Variants in NLK observed in about 807,000 individuals in gnomAD.
NLK encodes the protein nemo like kinase.
Under a neutral mutation model 59.0 loss-of-function variants are expected in NLK, and 11 were observed. The observed-to-expected ratio is 0.19, with a 90% CI of 0.12 to 0.31. NLK has a LOEUF of 0.31. NLK is among the 10% of genes least tolerant of loss of function. The probability of loss-of-function intolerance (pLI) is 1.00; values close to 1 mark genes in which losing one functional copy is unlikely to be tolerated. For missense variants in NLK, 410 were observed against 661.1 expected, an observed-to-expected ratio of 0.62 and a Z score of 4.16; for synonymous variants, 235 against 235.9, an observed-to-expected ratio of 1.00 and a Z score of 0.03.
chr17:28,074,407 A>T (rs936163565), intron 1 of NLK, among the ~76,000 whole-genome samples: 4 of 152,162 alleles, frequency 2.6e-5, no homozygotes, highest in African/African-American at 4.8e-5. Context: ...TACTATTTTT[A>T]AAAAATTTTT....
intron 3 of NLK, among the ~76,000 whole-genome samples, chr17:28,140,030 A>G (rs1313865470): frequency 6.6e-6 from 1 of 152,198 alleles, no homozygotes; most frequent in East Asian, 1.9e-4. Context: ...GCATTGATGG[A>G]TGAGAAGGAT....
At chr17:28,121,101 C>T (rs1429216971) in intron 1 of NLK, among the ~76,000 whole-genome samples, 1 of 151,830 alleles carries the variant, frequency 6.6e-6, no homozygotes, top group Non-Finnish European at 1.5e-5. Context: ...TTTTTGAATA[C>T]AGGCAGAGTC....
At chr17:28,120,266 G>GTGTGTGTGTGTA (rs1905980573) in intron 1 of NLK, among the ~76,000 whole-genome samples, 1 of 150,694 alleles carries the variant, frequency 6.6e-6, no homozygotes, top group Non-Finnish European at 1.5e-5. Flanking sequence ...GTGTGTGTGT[G>GTGTGTGTGTGTA]TGTGTGTATG....
chr17:28,108,933 C>G (rs1905331910), intron 1 of NLK, among the ~76,000 whole-genome samples: 1 of 152,030 alleles, frequency 6.6e-6, no homozygotes. Context: ...CTTTGGGAGG[C>G]TGAGGTGGGC....
chr17:28,136,646 C>T (rs1039932181), intron 3 of NLK, among the ~76,000 whole-genome samples: 4 of 151,994 alleles, frequency 2.6e-5, no homozygotes, highest in Admixed American at 6.6e-5. Context: ...CTTTTTTGCC[C>T]AGGCTGGAAT....
At chr17:28,099,611 G>T (rs1490433522) in intron 1 of NLK, among the ~76,000 whole-genome samples, 2 of 128,626 alleles carry the variant, frequency 1.6e-5, no homozygotes, top group Non-Finnish European at 3.1e-5. Context: ...TTGCTCTGTC[G>T]CCCAGGCCGG....
chr17:28,195,326 A>G lies in NLK; in HGVS notation c.*690A>G, dbSNP rs1909450544. 6.6e-6 allele frequency: 1 copy of G among 150,888 alleles called. No homozygotes were observed. The highest frequency in any genetic ancestry group is 1.5e-5 in the Non-Finnish European group (1 of 67,788). 9.3% of individuals were successfully genotyped at this position (150,888 alleles called of 1,614,324 possible). Reference sequence around the variant, plus strand: ...TTCCTTACCCAGTATAAATATATATATATATATTTAATCTATTTTTATTAG... The same window carrying G: ...TTCCTTACCCAGTATAAATATATATGTATATATTTAATCTATTTTTATTAG... On this transcript the variant is annotated 3_prime_UTR_variant, in exon 11 of 11. Transcript: ENST00000407008.
At chr17:28,171,131 T>A (rs2142056676) in intron 6 of NLK, 1 of 152,318 alleles carries the variant, frequency 6.6e-6, no homozygotes, top group Non-Finnish European at 1.5e-5. Flanking sequence ...CTGCCTTTAG[T>A]GTGGTTGTTA....
At chr17:28,091,402 CT>C (rs1308263023) in intron 1 of NLK, among the ~76,000 whole-genome samples, 1 of 151,764 alleles carries the variant, frequency 6.6e-6, no homozygotes, top group African/African-American at 2.4e-5. Flanking sequence ...GTGGTAAACA[CT>C]TTTATCTGGG....
the NLK span, among the ~76,000 whole-genome samples, chr17:28,201,564 AAAAC>A: frequency 1.2e-4 from 19 of 152,114 alleles, no homozygotes; most frequent in Admixed American, 9.2e-4. Flanking sequence ...AAGAAAAGAA[AAAAC>A]AAACAAAAAC....
At chr17:28,049,885 C>T (rs1453847124) in intron 1 of NLK, among the ~76,000 whole-genome samples, 1 of 152,150 alleles carries the variant, frequency 6.6e-6, no homozygotes, top group Non-Finnish European at 1.5e-5. Flanking sequence ...GAGGCTGAGG[C>T]AGGATAATCA....
In NLK at chr17:28,068,721, C is replaced by T. The variant is rs146131765; in HGVS notation, c.458+25390C>T. ...TAGAGACAAGATCTCTTTCTGTTGC[C>T]CAAGCTAGAATGCAATGGCATGATC... On this transcript the variant is annotated intron_variant, in intron 1 of 10. Coordinates refer to ENST00000407008, the MANE Select transcript of NLK (RefSeq NM_016231.5). Among the ~76,000 whole-genome samples the T allele has an allele frequency of 4.8e-3, 724 of 151,920 alleles. 6 individuals carry two copies. The highest frequency in any genetic ancestry group is 7.5e-3 in the Non-Finnish European group (513 of 67,974).
downstream of NLK, among the ~76,000 whole-genome samples, chr17:28,196,889 A>G (rs1267818405): frequency 6.6e-6 from 1 of 152,202 alleles, no homozygotes; most frequent in African/African-American, 2.4e-5. Context: ...CCCTGAGGCT[A>G]GATAAAGCAA....
chr17:28,190,337 T>C (rs1212096636), intron 8 of NLK, among the ~76,000 whole-genome samples: 1 of 152,070 alleles, frequency 6.6e-6, no homozygotes, highest in Non-Finnish European at 1.5e-5. Flanking sequence ...TGACAGAAAA[T>C]GACTAGGTGC....
At chr17:28,133,023 C>T (rs1358789932) in intron 3 of NLK, among the ~76,000 whole-genome samples, 3 of 152,130 alleles carry the variant, frequency 2.0e-5, no homozygotes, top group African/African-American at 7.2e-5. Context: ...ACAACAGCTG[C>T]CTGTCGGTTA....
intron 3 of NLK, among the ~76,000 whole-genome samples, chr17:28,147,303 C>G (rs1907296664): frequency 6.6e-6 from 1 of 152,118 alleles, no homozygotes; most frequent in African/African-American, 2.4e-5. Context: ...ACTCAATCAT[C>G]TTATTTATAA....
intron 1 of NLK, among the ~76,000 whole-genome samples, chr17:28,053,669 G>GA (rs1909339878): frequency 6.6e-6 from 1 of 152,116 alleles, no homozygotes; most frequent in South Asian, 2.1e-4. Context: ...CTGAGCTACA[G>GA]AAAAAAGGTG....
the NLK span, among the ~76,000 whole-genome samples, chr17:28,204,712 A>G: frequency 3.6e-3 from 556 of 152,360 alleles, 3 homozygotes; most frequent in African/African-American, 0.013. Context: ...TCAATTACAT[A>G]GAGTGCTAGA....
chr17:28,105,774 T>C (rs1401711442), intron 1 of NLK, among the ~76,000 whole-genome samples: 1 of 152,196 alleles, frequency 6.6e-6, no homozygotes, highest in Non-Finnish European at 1.5e-5. Flanking sequence ...TACCTCCATT[T>C]CTCCAGCTGG....
Sources: allele counts gnomAD v4.1 joint callset (sites outside exome capture counted in the v4.1 genomes callset), GRCh38; gene constraint gnomAD v4.1.1; transcripts MANE v1.5; gene names NCBI Gene and HGNC (gene_info 2026-07-23, HGNC 2026-07-21).